PLD5: variants seen among roughly 807,000 people sequenced by gnomAD.
PLD5 encodes the protein phospholipase D family member 5.
PLD5 carries 36 observed loss-of-function variants against 61.1 expected under a neutral mutation model. The ratio of observed to expected loss-of-function variants is 0.59; its 90% CI spans 0.45 to 0.78. PLD5 has a LOEUF of 0.78. PLD5 is among the 30% of genes least tolerant of loss of function. The pLI is 0.00. For synonymous variants in PLD5, 243 were observed against 242.8 expected, an observed-to-expected ratio of 1.00 and a Z score of -0.01; for missense variants, 515 against 644.4, an observed-to-expected ratio of 0.80 and a Z score of 2.17.
chr1:242,260,766 G>T (rs144975051), intron 4 of PLD5, among the ~76,000 whole-genome samples: 1 of 152,068 alleles, frequency 6.6e-6, no homozygotes, highest in Non-Finnish European at 1.5e-5. Flanking sequence ...ATCTCCAAAC[G>T]TTTGAAAATT....
rs2149225593 is a variant in PLD5 at position 242,352,381 on chromosome 1, CT to C, written c.190-4140del. 2.6e-5 allele frequency among the ~76,000 whole-genome samples: 4 copies of C among 152,254 alleles called. No individual in the cohort carries two copies. In the East Asian group the frequency reaches 7.8e-4, roughly 30 times the overall value. The stretch of plus-strand genomic sequence containing the variant: ...TATCCATGTTGGTACAAATTACAAA[CT>C]TTCTTTTTTCAGGCTGAATACTATT... On this transcript the variant is annotated intron_variant, in intron 1 of 9. Coordinates refer to ENST00000536534, the MANE Select transcript of PLD5 (RefSeq NM_001372062.1).
intron 1 of PLD5, among the ~76,000 whole-genome samples, chr1:242,435,423 A>G (rs1333167776): frequency 6.6e-6 from 1 of 152,020 alleles, no homozygotes; most frequent in African/African-American, 2.4e-5. Context: ...GTTGGTAATT[A>G]TACTGTTTAA....
rs572052217 is a variant in PLD5, at chr1:242,205,641, T to A, written c.735+14347A>T. On this transcript the variant is annotated intron_variant, in intron 5 of 9. Coordinates refer to ENST00000536534, the MANE Select transcript of PLD5 (RefSeq NM_001372062.1). ...TTGTATTTGAAGTTGAATTGCTTTT[T>A]ACTTTGCTCCATTTTCATTTTGGTT... Among the ~76,000 whole-genome samples the A allele has an allele frequency of 2.0e-5, 3 of 152,366 alleles. No homozygotes were observed. The South Asian group carries it at 6.2e-4, about 32-fold the overall frequency.
At chr1:242,173,538 TG>T (rs2148882793) in intron 5 of PLD5, among the ~76,000 whole-genome samples, 1 of 152,146 alleles carries the variant, frequency 6.6e-6, no homozygotes, top group Non-Finnish European at 1.5e-5. Flanking sequence ...TTCACAGAAT[TG>T]GAAAAAATTA....
intron 1 of PLD5, among the ~76,000 whole-genome samples, chr1:242,437,521 AC>A (rs1666054851): frequency 6.6e-6 from 1 of 151,810 alleles, no homozygotes; most frequent in South Asian, 2.1e-4. Flanking sequence ...ACATGGAAAA[AC>A]CCTGTCTCTA....
intron 1 of PLD5, among the ~76,000 whole-genome samples, chr1:242,436,410 G>C (rs1171697633): frequency 6.6e-6 from 1 of 151,992 alleles, no homozygotes; most frequent in Non-Finnish European, 1.5e-5. Context: ...ATGTTTAACT[G>C]GTAGGGTCAT....
chr1:242,109,607 A>G (rs1377080689), intron 7 of PLD5, among the ~76,000 whole-genome samples: 2 of 152,182 alleles, frequency 1.3e-5, no homozygotes, highest in Non-Finnish European at 2.9e-5. Flanking sequence ...TAGATCTCTC[A>G]CCACCTTACC....
chr1:242,125,446 G>A (rs1026848737), intron 5 of PLD5, among the ~76,000 whole-genome samples: 1 of 152,070 alleles, frequency 6.6e-6, no homozygotes, highest in Non-Finnish European at 1.5e-5. Flanking sequence ...TTAGTCAGTG[G>A]TAAATTAAGA....
intron 2 of PLD5, among the ~76,000 whole-genome samples, chr1:242,305,748 G>T (rs540821284): frequency 6.6e-6 from 1 of 152,130 alleles, no homozygotes; most frequent in Non-Finnish European, 1.5e-5. Flanking sequence ...TTTTAGTAGA[G>T]ATATGGTTTC....
chr1:242,199,931 C>G (rs1313682144), intron 5 of PLD5, among the ~76,000 whole-genome samples: 3 of 152,168 alleles, frequency 2.0e-5, no homozygotes, highest in African/African-American at 7.2e-5. Context: ...CTGATGGACA[C>G]TTAAGCAGAT....
chr1:242,122,859 A>G (rs2148728939), intron 6 of PLD5, among the ~76,000 whole-genome samples: 1 of 152,342 alleles, frequency 6.6e-6, no homozygotes, highest in East Asian at 1.9e-4. Context: ...GGCAAAAAGG[A>G]TACAATTCAC....
intron 7 of PLD5, among the ~76,000 whole-genome samples, chr1:242,109,216 C>T (rs1158961128): frequency 2.6e-5 from 4 of 152,232 alleles, no homozygotes; most frequent in Non-Finnish European, 4.4e-5. Flanking sequence ...CGGTGGCTCA[C>T]ACCTGTCATT....
chr1:242,125,929 G>A (rs1662750722), intron 5 of PLD5, among the ~76,000 whole-genome samples: 1 of 152,142 alleles, frequency 6.6e-6, no homozygotes, highest in Non-Finnish European at 1.5e-5. Flanking sequence ...TTAACCCACT[G>A]ATAGACTTCA....
intron 2 of PLD5, among the ~76,000 whole-genome samples, chr1:242,330,795 T>G (rs1424177221): frequency 6.6e-6 from 1 of 152,202 alleles, no homozygotes; most frequent in African/African-American, 2.4e-5. Context: ...TATCTCAATC[T>G]TTTGGCATTT....
intron 1 of PLD5, among the ~76,000 whole-genome samples, chr1:242,379,455 A>T (rs949704334): frequency 6.6e-6 from 1 of 152,178 alleles, no homozygotes; most frequent in Non-Finnish European, 1.5e-5. Flanking sequence ...CATTGCTAAC[A>T]TATCAGATCT....
intron 1 of PLD5, among the ~76,000 whole-genome samples, chr1:242,411,831 G>A (rs1664574823): frequency 6.6e-6 from 1 of 152,068 alleles, no homozygotes; most frequent in Non-Finnish European, 1.5e-5. Context: ...AAGGTTTATT[G>A]AGCCAGCTTG....
At chr1:242,254,682 C>T (rs1286758621) in intron 4 of PLD5, among the ~76,000 whole-genome samples, 1 of 152,104 alleles carries the variant, frequency 6.6e-6, no homozygotes, top group Non-Finnish European at 1.5e-5. Context: ...ACAACCACCA[C>T]CACCACCACC....
intron 4 of PLD5, among the ~76,000 whole-genome samples, chr1:242,247,466 G>C (rs1290108402): frequency 6.6e-6 from 1 of 152,170 alleles, no homozygotes; most frequent in African/African-American, 2.4e-5. Context: ...GAGATTTTAT[G>C]GTTCACAGGG....
intron 5 of PLD5, among the ~76,000 whole-genome samples, chr1:242,190,002 C>T (rs75118600): frequency 0.025 from 3,779 of 151,968 alleles, 172 homozygotes; most frequent in African/African-American, 0.087. Context: ...TCAATTGAAA[C>T]TCAAATGTCA....
Sources: allele counts gnomAD v4.1 joint callset (sites outside exome capture counted in the v4.1 genomes callset), GRCh38; gene constraint gnomAD v4.1.1; transcripts MANE v1.5; gene names NCBI Gene and HGNC (gene_info 2026-07-23, HGNC 2026-07-21).